The following TRAPPC9 variants were observed in gnomAD, a reference collection of about 807,000 sequenced individuals.
TRAPPC9 encodes the protein IKK2 binding protein.
Under a neutral mutation model 124.0 loss-of-function variants are expected in TRAPPC9, and 83 were observed. That is an observed-to-expected ratio of 0.67 (90% CI 0.56 to 0.80). The LOEUF (loss-of-function observed/expected upper bound fraction) is 0.80, where lower values mean the gene tolerates loss of function less well. TRAPPC9 is among the 30% of genes least tolerant of loss of function. TRAPPC9 has a pLI of 0.00. For missense variants in TRAPPC9, 1,302 were observed against 1,508.3 expected, an observed-to-expected ratio of 0.86 and a Z score of 2.27; for synonymous variants, 638 against 617.5, an observed-to-expected ratio of 1.03 and a Z score of -0.49.
chr8:140,186,421 T>C (rs2062356203), intron 17 of TRAPPC9, among the ~76,000 whole-genome samples: 1 of 151,946 alleles, frequency 6.6e-6, no homozygotes, highest in African/African-American at 2.4e-5. Context: ...CCATCTCTAC[T>C]AAAAATACAA....
intron 9 of TRAPPC9, among the ~76,000 whole-genome samples, chr8:140,354,887 C>A (rs2067691804): frequency 1.3e-5 from 2 of 152,170 alleles, no homozygotes. Flanking sequence ...TAATTAGAGG[C>A]TGAGATGAGT....
At chr8:139,992,983 T>C (rs183409981) in intron 18 of TRAPPC9, among the ~76,000 whole-genome samples, 9 of 152,142 alleles carry the variant, frequency 5.9e-5, no homozygotes, top group African/African-American at 2.2e-4. Flanking sequence ...GTTCATGACC[T>C]TGGAAAAAAG....
chr8:140,042,175 T>C (rs923085869), intron 17 of TRAPPC9, among the ~76,000 whole-genome samples: 2 of 151,600 alleles, frequency 1.3e-5, no homozygotes, highest in African/African-American at 4.9e-5. Flanking sequence ...AGAAATAATA[T>C]AAAGTCTGCA....
chr8:139,915,558 T>G (rs1330613406), intron 19 of TRAPPC9, among the ~76,000 whole-genome samples: 1 of 152,170 alleles, frequency 6.6e-6, no homozygotes, highest in African/African-American at 2.4e-5. Flanking sequence ...GTTTCAATTT[T>G]TAATAAAGTA....
At chr8:140,152,582 A>G (rs2061564363) in intron 17 of TRAPPC9, among the ~76,000 whole-genome samples, 1 of 150,382 alleles carries the variant, frequency 6.6e-6, no homozygotes, top group Non-Finnish European at 1.5e-5. Context: ...GTTAGCCAGG[A>G]TGGTCTCGAT....
At chr8:140,218,929 C>T (rs945130800) in intron 17 of TRAPPC9, among the ~76,000 whole-genome samples, 1 of 151,900 alleles carries the variant, frequency 6.6e-6, no homozygotes, top group Non-Finnish European at 1.5e-5. Flanking sequence ...CACTGCACTC[C>T]AGCCTAGGTG....
chr8:139,996,562 C>G (rs1223254736), intron 18 of TRAPPC9, among the ~76,000 whole-genome samples: 1 of 151,884 alleles, frequency 6.6e-6, no homozygotes, highest in Non-Finnish European at 1.5e-5. Context: ...AAAAAACACT[C>G]TTATGGGACA....
At chr8:140,339,124 G>A (rs1023913192) in intron 9 of TRAPPC9, among the ~76,000 whole-genome samples, 4 of 151,222 alleles carry the variant, frequency 2.6e-5, no homozygotes, top group African/African-American at 9.7e-5. Context: ...GCCACCAGAC[G>A]GCCACCTACA....
chr8:139,861,848 A>G (rs1828183124), intron 21 of TRAPPC9, among the ~76,000 whole-genome samples: 1 of 152,060 alleles, frequency 6.6e-6, no homozygotes, highest in South Asian at 2.1e-4. Flanking sequence ...ATCCCCCACA[A>G]AAGCAGGGGT....
At chr8:140,318,624 G>A (rs2066502874) in intron 9 of TRAPPC9, among the ~76,000 whole-genome samples, 1 of 152,208 alleles carries the variant, frequency 6.6e-6, no homozygotes, top group Non-Finnish European at 1.5e-5. Context: ...AGAACATACA[G>A]TATTTGTCTT....
At chr8:139,884,160 C>T (rs1422947251) in intron 21 of TRAPPC9, among the ~76,000 whole-genome samples, 1 of 152,132 alleles carries the variant, frequency 6.6e-6, no homozygotes, top group Non-Finnish European at 1.5e-5. Context: ...CTCTCCAATT[C>T]CAGAACCCTC....
chr8:140,089,013 A>G (rs1844393327), intron 17 of TRAPPC9, among the ~76,000 whole-genome samples: 1 of 151,990 alleles, frequency 6.6e-6, no homozygotes. Context: ...TTTTCTCTAG[A>G]CCCTTCTGCT....
rs553837346 is a variant in TRAPPC9 at position 140,178,296 on chromosome 8, T to C, written c.2556+43163A>G. Among the ~76,000 whole-genome samples the C allele has an allele frequency of 1.6e-4, 25 of 152,238 alleles. No homozygotes were observed. The East Asian group carries it at 2.5e-3, about 15-fold the overall frequency. ...CTTCTATTTCCAGTCTCCTAAGTGT[T>C]TTGTATCATAAATGTGTGATGCATT... is the stretch of plus-strand genomic sequence containing the variant. On this transcript the variant is annotated intron_variant, in intron 17 of 22. Coordinates refer to ENST00000438773, the MANE Select transcript of TRAPPC9 (RefSeq NM_001160372.4).
chr8:139,921,365 TG>T (rs1832492876), intron 19 of TRAPPC9, among the ~76,000 whole-genome samples: 1 of 152,104 alleles, frequency 6.6e-6, no homozygotes, highest in South Asian at 2.1e-4. Flanking sequence ...ACTCAGTGCA[TG>T]GGGACATAAA....
chr8:139,995,392 A>G (rs1837898743), intron 18 of TRAPPC9, among the ~76,000 whole-genome samples: 1 of 152,168 alleles, frequency 6.6e-6, no homozygotes, highest in Admixed American at 6.5e-5. Context: ...AGCAAACCAC[A>G]GGAGATAATG....
intron 21 of TRAPPC9, among the ~76,000 whole-genome samples, chr8:139,878,669 G>C (rs546491713): frequency 6.2e-4 from 95 of 152,298 alleles, no homozygotes; most frequent in African/African-American, 2.2e-3. Context: ...CAAAACAGTT[G>C]CTTTGAAATT....
At chr8:139,957,880 C>G in intron 19 of TRAPPC9, among the ~76,000 whole-genome samples, 1 of 152,344 alleles carries the variant, frequency 6.6e-6, no homozygotes, top group African/African-American at 2.4e-5. Context: ...CCAAAGGCCC[C>G]GTGTTCTAAT....
intron 2 of TRAPPC9, among the ~76,000 whole-genome samples, chr8:140,446,531 G>C (rs958449711): frequency 1.2e-4 from 19 of 152,080 alleles, no homozygotes; most frequent in African/African-American, 3.9e-4. Flanking sequence ...CCTCATAAGG[G>C]GCGCAAAAGA....
intron 21 of TRAPPC9, among the ~76,000 whole-genome samples, chr8:139,772,356 G>A (rs1034580850): frequency 2.6e-5 from 4 of 152,182 alleles, no homozygotes; most frequent in African/African-American, 7.2e-5. Flanking sequence ...CCAGTGAGGG[G>A]AGAGTATTAT....
Sources: allele counts gnomAD v4.1 joint callset (sites outside exome capture counted in the v4.1 genomes callset), GRCh38; gene constraint gnomAD v4.1.1; transcripts MANE v1.5; gene names NCBI Gene and HGNC (gene_info 2026-07-23, HGNC 2026-07-21).